The following NCOR2 variants were observed in gnomAD, a reference collection of about 807,000 sequenced individuals.
NCOR2 encodes the protein CTG repeat protein 26.
A neutral mutation model predicts 262.9 loss-of-function variants in NCOR2; 81 were observed. The ratio of observed to expected loss-of-function variants is 0.31; its 90% confidence interval spans 0.26 to 0.37. The LOEUF (loss-of-function observed/expected upper bound fraction) is 0.37. Among genes scored for constraint, NCOR2 ranks in the 10% least tolerant of loss-of-function variants. NCOR2 has a pLI of 1.00. For synonymous variants in NCOR2, 1,659 were observed against 1,559.3 expected, an observed-to-expected ratio of 1.06 and a Z score of -1.51; for missense variants, 3,385 against 3,621.4, an observed-to-expected ratio of 0.93 and a Z score of 1.68.
exon 45 of NCOR2, chr12:124,327,593 G>A (rs370629897): frequency 1.1e-5 from 17 of 1,612,984 alleles, no homozygotes; most frequent in Non-Finnish European, 1.4e-5. Flanking sequence ...TGTTGGTGCT[G>A]GCATGTTCCT....
At chr12:124,363,914 G>T in intron 20 of NCOR2, 115 bp from the exon 23 acceptor site, 1 of 888,592 alleles carries the variant, frequency 1.1e-6, no homozygotes, top group Admixed American at 3.6e-5. Context: ...CGAGGCTAAG[G>T]CCCTGAGACA....
Position 124,372,652 on chromosome 12 carries a change from C to T in NCOR2, c.2219-42G>A, listed in dbSNP as rs1053769546. On this transcript the variant is annotated intron_variant, in intron 19 of 46. Coordinates refer to ENST00000405201, the Ensembl canonical transcript of NCOR2. ...GGAAGAGGGGATGAGCAGGGTCTGG[C>T]GGGGCCTCCAGAAGAGATGCATGGC... The T allele has an allele frequency of 6.5e-6, 10 of 1,549,206 alleles. No individual in the cohort carries two copies. In the African/African-American group the frequency reaches 8.2e-5, roughly 13 times the overall value.
In NCOR2 at chr12:124,422,609, G is replaced by C. The variant is rs1402124341; in HGVS notation, c.1329-54C>G. 7.5e-6 allele frequency: 12 copies of C among 1,605,622 alleles called. No individual in the cohort carries two copies. In the Admixed American group the frequency reaches 1.7e-4, roughly 22 times the overall value. The stretch of plus-strand genomic sequence containing the variant: ...CCTGGCCGAGGGGGGCTTTCCTGCG[G>C]GGCAGCCGATCGGCTCCCAGGCGCC... On this transcript the variant is annotated intron_variant, in intron 11 of 46. Coordinates refer to ENST00000405201, the Ensembl canonical transcript of NCOR2.
chr12:124,375,175 T>C (rs1331975555), intron 18 of NCOR2, among the ~76,000 whole-genome samples: 1 of 152,194 alleles, frequency 6.6e-6, no homozygotes, highest in African/African-American at 2.4e-5. Flanking sequence ...GCTTCCTGTG[T>C]CCTTAACCCC....
rs1319532275 is a variant in NCOR2 at position 124,443,796 on chromosome 12, C to T, written c.816-5800G>A. Among the ~76,000 whole-genome samples, 3 of 152,184 alleles carry T rather than the reference C, an allele frequency of 2.0e-5. No individual in the cohort carries two copies. Among genetic ancestry groups the T allele is most frequent in the Admixed American group, 6.5e-5 (1 of 15,276 alleles). On this transcript the variant is annotated intron_variant, in intron 7 of 46. Coordinates refer to ENST00000405201, the Ensembl canonical transcript of NCOR2. This position sits in a 1 kb window ranked among gnomAD's most constrained non-coding sequence, Gnocchi z 4.4. ...GATTACAGGTGTGAGCCACCGCACC[C>T]GGCTGGTGCTTTCTAAAATCCTAAA...
At chr12:124,388,548 G>T in intron 16 of NCOR2, 1 of 903,224 alleles carries the variant, frequency 1.1e-6, no homozygotes, top group Non-Finnish European at 1.5e-6. Flanking sequence ...GAAAGGATGG[G>T]CTGGGACCCC....
At chr12:124,522,982 C>T (rs547843684) in intron 1 of NCOR2, among the ~76,000 whole-genome samples, 1 of 152,298 alleles carries the variant, frequency 6.6e-6, no homozygotes, top group Non-Finnish European at 1.5e-5. Context: ...GGGCCTGCCT[C>T]CTGGATGGGG....
Position 124,335,296 on chromosome 12 carries a change from A to G in NCOR2, c.6266-16T>C. 1 of 1,574,766 alleles carries G rather than the reference A, an allele frequency of 6.4e-7. No homozygotes were observed. Among genetic ancestry groups the G allele is most frequent in the Admixed American group, 1.8e-5 (1 of 54,870 alleles). On this transcript the variant is annotated splice_polypyrimidine_tract_variant and intron_variant, in intron 39 of 46. Coordinates refer to ENST00000405201, the Ensembl canonical transcript of NCOR2. ...TTCACGGGGCCTGCAGGCAGAGCAG[A>G]GCTGGTCAGGGGGTGTCTGCTGGCC...
At chr12:124,337,072 G>C in exon 38 of NCOR2, 1 of 1,486,532 alleles carries the variant, frequency 6.7e-7, no homozygotes, top group Non-Finnish European at 8.9e-7. Flanking sequence ...GCAGCAAGAC[G>C]GGCTCCATGA....
chr12:124,500,177 G>A (rs1023183944), upstream of NCOR2, among the ~76,000 whole-genome samples: 2 of 140,918 alleles, frequency 1.4e-5, no homozygotes, highest in Non-Finnish European at 3.2e-5. Context: ...TACCCAACGG[G>A]GACACCAAGG....
At chr12:124,362,234 C>T in exon 22 of NCOR2, 1 of 1,314,992 alleles carries the variant, frequency 7.6e-7, no homozygotes, top group Non-Finnish European at 9.7e-7. Flanking sequence ...GGCGGTGGGG[C>T]TGGGGGAGCT....
Position 124,517,809 on chromosome 12 carries a change from T to A in NCOR2, c.-118+17756A>T, listed in dbSNP as rs2049911105. On this transcript the variant is annotated intron_variant, in intron 1 of 46. Coordinates refer to the NCOR2 transcript ENST00000404621. The surrounding 1 kb of genome is among the most constrained non-coding windows in gnomAD (Gnocchi z 7.6). ...CCCGGCCAGCGCCTCCGAGCGCTCTTTTCCGTGACTGCAGCAACTTCGTCC... is the reference window on the plus strand; with the variant it reads ...CCCGGCCAGCGCCTCCGAGCGCTCTATTCCGTGACTGCAGCAACTTCGTCC... Among the ~76,000 whole-genome samples, 1 of 152,138 alleles carries A rather than the reference T, an allele frequency of 6.6e-6. No individual in the cohort carries two copies. Among genetic ancestry groups the A allele is most frequent in the African/African-American group, 2.4e-5 (1 of 41,442 alleles).
chr12:124,563,226 G>C (rs1025511352), intron 1 of NCOR2, among the ~76,000 whole-genome samples: 9 of 152,128 alleles, frequency 5.9e-5, no homozygotes, highest in African/African-American at 1.7e-4. Context: ...GCTCTCTTGG[G>C]GATGGCAGAT....
chr12:124,525,569 A>G (rs1307980988), intron 1 of NCOR2, among the ~76,000 whole-genome samples: 1 of 152,206 alleles, frequency 6.6e-6, no homozygotes, highest in African/African-American at 2.4e-5. Flanking sequence ...CAGGAAGCAG[A>G]TGTCCCACGT....
intron 18 of NCOR2, among the ~76,000 whole-genome samples, chr12:124,375,378 C>G (rs1281412487): frequency 2.0e-5 from 3 of 152,186 alleles, no homozygotes; most frequent in Admixed American, 6.5e-5. Context: ...GGGCAGGAGC[C>G]TGCATGAGAA....
Position 124,398,176 on chromosome 12 carries a change from T to C in NCOR2, c.1819A>G (p.Met607Val), listed in dbSNP as rs775799345. Residue 607 changes from methionine to valine, a missense_variant, in exon 16 of 47, where the codon ATG (methionine) becomes GTG (valine). Met to Val is a conservative substitution (Grantham distance 21). Coordinates refer to ENST00000405201, the Ensembl canonical transcript of NCOR2. ...CAGCGAGAACTCTCATTCAGCTCCA[T>C]GGAGGCTGAAAAGAAGATGCCAGGT... is the stretch of plus-strand genomic sequence containing the variant. The C allele has an allele frequency of 5.9e-5, 96 of 1,614,100 alleles. No individual in the cohort carries two copies. Among genetic ancestry groups the C allele is most frequent in the South Asian group, 3.0e-4 (27 of 91,090 alleles).
At chr12:124,325,379 C>CCA (rs368678225) in exon 47 of NCOR2, 4 of 317,132 alleles carry the variant, frequency 1.3e-5, no homozygotes, top group South Asian at 1.0e-4. Context: ...CTGACACCGC[C>CCA]CCCCCCCCCG....
At chr12:124,546,735 C>T (rs192840519) in intron 1 of NCOR2, among the ~76,000 whole-genome samples, 4 of 152,018 alleles carry the variant, frequency 2.6e-5, no homozygotes, top group Admixed American at 6.5e-5. Context: ...TTAAATTGCA[C>T]GCTGTTCTAA....
At chr12:124,362,087 T>G in intron 22 of NCOR2, 39 bp downstream of exon 24, 1 of 1,265,734 alleles carries the variant, frequency 7.9e-7, no homozygotes, top group Non-Finnish European at 9.9e-7. Context: ...GTCAGTCCCC[T>G]GCTGCCCCAG....
Sources: gnomAD v4.1 joint callset for allele counts (sites outside exome capture counted in the v4.1 genomes callset) on GRCh38, gnomAD v4.1.1 for gene constraint, Gnocchi (gnomAD v3.1) non-coding constraint, MANE v1.5 for transcripts, NCBI Gene and HGNC (gene_info 2026-07-23, HGNC 2026-07-21) for gene names.